GMDS: variants seen among roughly 807,000 people sequenced by gnomAD.
The protein encoded by GMDS is GDP-mannose 4,6-dehydratase.
A neutral mutation model predicts 49.9 loss-of-function variants in GMDS; 20 were observed. That is an observed-to-expected ratio of 0.40 (90% CI 0.28 to 0.58). The LOEUF is 0.58. Ranked by LOEUF, GMDS falls within the 20% of genes least tolerant of loss-of-function variation. The pLI is 0.42. For missense variants in GMDS, 362 were observed against 481.4 expected, an observed-to-expected ratio of 0.75 and a Z score of 2.32; for synonymous variants, 177 against 178.6, an observed-to-expected ratio of 0.99 and a Z score of 0.07.
intron 7 of GMDS, among the ~76,000 whole-genome samples, chr6:1,819,181 A>C (rs1306749788): frequency 1.3e-5 from 2 of 152,120 alleles, no homozygotes; most frequent in Non-Finnish European, 2.9e-5. Flanking sequence ...CAGACTCATC[A>C]TAGTAACTTA....
intron 6 of GMDS, among the ~76,000 whole-genome samples, chr6:1,956,468 C>A (rs1157882102): frequency 1.3e-5 from 2 of 152,160 alleles, no homozygotes; most frequent in African/African-American, 4.8e-5. Context: ...GTTATTCATG[C>A]AGTGAGAGGG....
At chr6:2,051,911 G>A (rs971922116) in intron 4 of GMDS, among the ~76,000 whole-genome samples, 2 of 152,014 alleles carry the variant, frequency 1.3e-5, no homozygotes, top group African/African-American at 4.8e-5. Context: ...GAGGTCAGGA[G>A]TTCAAGACCA....
chr6:2,152,591 T>C (rs1055629108), intron 1 of GMDS, among the ~76,000 whole-genome samples: 1 of 152,128 alleles, frequency 6.6e-6, no homozygotes, highest in African/African-American at 2.4e-5. Context: ...TCTTCTAAGA[T>C]GTATAAACAG....
intron 4 of GMDS, among the ~76,000 whole-genome samples, chr6:2,075,957 T>G (rs1772312122): frequency 6.6e-6 from 1 of 152,208 alleles, no homozygotes; most frequent in African/African-American, 2.4e-5. Flanking sequence ...TTCTAACTGG[T>G]GTGAGATGGT....
intron 8 of GMDS, among the ~76,000 whole-genome samples, chr6:1,740,217 TA>T (rs1359882058): frequency 1.3e-5 from 2 of 152,148 alleles, no homozygotes; most frequent in African/African-American, 4.8e-5. Flanking sequence ...AAAAAGTAAT[TA>T]ATGAGAGTGG....
At chr6:2,176,037 T>C in intron 1 of GMDS, 1 of 1,521,630 alleles carries the variant, frequency 6.6e-7, no homozygotes, top group East Asian at 2.5e-5. Context: ...TGCTTTACTG[T>C]CAAGAGGCTG....
At chr6:1,961,477 C>T (rs141197793) in intron 4 of GMDS, among the ~76,000 whole-genome samples, 28 of 152,230 alleles carry the variant, frequency 1.8e-4, no homozygotes, top group Admixed American at 7.2e-4. Context: ...ATCTATTACA[C>T]GAATGCATAA....
chr6:2,073,810 C>T (rs933005544), intron 4 of GMDS, among the ~76,000 whole-genome samples: 1 of 152,216 alleles, frequency 6.6e-6, no homozygotes, highest in African/African-American at 2.4e-5. Flanking sequence ...CAGTTCCATA[C>T]ATGTGGCTGC....
At chr6:1,652,368 G>A (rs1156832452) in intron 9 of GMDS, among the ~76,000 whole-genome samples, 1 of 4,620 alleles carries the variant, frequency 2.2e-4, no homozygotes, top group Non-Finnish European at 8.7e-4. Flanking sequence ...GTGAAACTCC[G>A]CTAAAAAAAA....
intron 7 of GMDS, among the ~76,000 whole-genome samples, chr6:1,871,967 A>G (rs752596701): frequency 3.3e-5 from 5 of 152,256 alleles, no homozygotes; most frequent in Non-Finnish European, 7.3e-5. Context: ...CCTACAGTCA[A>G]CAGATTATTT....
intron 9 of GMDS, among the ~76,000 whole-genome samples, chr6:1,656,559 C>T (rs1206896240): frequency 3.3e-5 from 5 of 151,956 alleles, no homozygotes; most frequent in Non-Finnish European, 7.4e-5. Context: ...GTCAGGAGTT[C>T]GAGACCAGCC....
intron 7 of GMDS, among the ~76,000 whole-genome samples, chr6:1,771,265 T>C (rs1042051996): frequency 6.6e-6 from 1 of 152,130 alleles, no homozygotes; most frequent in Non-Finnish European, 1.5e-5. Context: ...TGCTGGGGGT[T>C]TCTTTGTCTT....
At chr6:2,210,028 C>G (rs1232694314) in intron 1 of GMDS, among the ~76,000 whole-genome samples, 1 of 152,192 alleles carries the variant, frequency 6.6e-6, no homozygotes, top group African/African-American at 2.4e-5. Context: ...AAGATAATCA[C>G]TATTCTACAC....
At chr6:1,821,624 T>G (rs1045122205) in intron 7 of GMDS, among the ~76,000 whole-genome samples, 1 of 149,578 alleles carries the variant, frequency 6.7e-6, no homozygotes, top group Admixed American at 6.6e-5. Context: ...TTTTTTTTTT[T>G]TTTTTTTTTT....
At chr6:1,804,765 G>A (rs1170975427) in intron 7 of GMDS, among the ~76,000 whole-genome samples, 1 of 151,870 alleles carries the variant, frequency 6.6e-6, no homozygotes, top group Non-Finnish European at 1.5e-5. Flanking sequence ...TCTATTTTGT[G>A]ATTTTCTAAA....
At chr6:1,630,215 G>A (rs1762957447) in intron 9 of GMDS, among the ~76,000 whole-genome samples, 3 of 152,244 alleles carry the variant, frequency 2.0e-5, no homozygotes, top group Non-Finnish European at 4.4e-5. Context: ...TTTAAACAAA[G>A]TTTTAAAACA....
chr6:1,991,289 A>C (rs1261244245), intron 4 of GMDS, among the ~76,000 whole-genome samples: 1 of 151,960 alleles, frequency 6.6e-6, no homozygotes, highest in Non-Finnish European at 1.5e-5. Context: ...CAGCTCCGGC[A>C]TTTTCAACTT....
At chr6:1,907,136 T>G (rs1465252067) in intron 7 of GMDS, among the ~76,000 whole-genome samples, 1 of 152,254 alleles carries the variant, frequency 6.6e-6, no homozygotes, top group Non-Finnish European at 1.5e-5. Context: ...GTTTCGCATG[T>G]GTAATCTCTC....
rs141901708 is a variant in GMDS, at chr6:2,206,636, G to A, written c.102+38685C>T. 9.9e-4 allele frequency among the ~76,000 whole-genome samples: 150 copies of A among 152,268 alleles called. 1 individual carries two copies. The highest frequency in any genetic ancestry group is 3.2e-4 in the Non-Finnish European group (22 of 68,024). ...GTATCAAGATGCAGAAGACCATATA[G>A]CAGTGGTTCTTAAACTTTAGGCTGC... On this transcript the variant is annotated intron_variant, in intron 1 of 10. Transcript: ENST00000380815.
Sources: gnomAD v4.1 joint callset for allele counts (sites outside exome capture counted in the v4.1 genomes callset) on GRCh38, gnomAD v4.1.1 for gene constraint, MANE v1.5 for transcripts, NCBI Gene and HGNC (gene_info 2026-07-23, HGNC 2026-07-21) for gene names.